NELL1: variants seen among roughly 807,000 people sequenced by gnomAD.
NELL1 encodes the protein protein kinase C-binding protein NELL1.
A neutral mutation model predicts 107.4 loss-of-function variants in NELL1; 76 were observed. The ratio of observed to expected loss-of-function variants is 0.71; its 90% CI spans 0.59 to 0.86. The LOEUF (loss-of-function observed/expected upper bound fraction) is 0.86. NELL1 is among the 40% of genes least tolerant of loss of function. NELL1 has a pLI of 0.00. For synonymous variants in NELL1, 353 were observed against 341.2 expected (o/e 1.03, Z -0.38); for missense variants, 1,024 against 1,005.5 (o/e 1.02, Z -0.25).
At chr11:21,254,029 C>G (rs16907790) in intron 14 of NELL1, among the ~76,000 whole-genome samples, 5,486 of 152,048 alleles carry the variant, frequency 0.036, 113 homozygotes, top group Admixed American at 0.057. Flanking sequence ...TGCAGAGGGA[C>G]ATGTGGTGAA....
chr11:21,224,917 T>C (rs539551822), intron 13 of NELL1, among the ~76,000 whole-genome samples: 1 of 152,300 alleles, frequency 6.6e-6, no homozygotes, highest in South Asian at 2.1e-4. Context: ...TGAATCTCCT[T>C]AAGATCATTA....
intron 5 of NELL1, among the ~76,000 whole-genome samples, chr11:20,909,562 C>G (rs1030456195): frequency 6.6e-6 from 1 of 151,344 alleles, no homozygotes; most frequent in African/African-American, 2.4e-5. Context: ...TTTATTATAG[C>G]TGTTGAACTT....
intron 12 of NELL1, among the ~76,000 whole-genome samples, chr11:21,086,134 T>A (rs1253371844): frequency 6.6e-6 from 1 of 152,212 alleles, no homozygotes; most frequent in Non-Finnish European, 1.5e-5. Context: ...CTTGCCCTCA[T>A]CCCTTGTAGG....
chr11:20,744,629 C>T, intron 2 of NELL1, among the ~76,000 whole-genome samples: 1 of 152,230 alleles, frequency 6.6e-6, no homozygotes, highest in Non-Finnish European at 1.5e-5. Context: ...GCAGCACATA[C>T]TCAGGGCAGA....
intron 12 of NELL1, among the ~76,000 whole-genome samples, chr11:21,056,451 A>G (rs1413051965): frequency 1.3e-5 from 2 of 152,084 alleles, no homozygotes; most frequent in East Asian, 3.9e-4. Context: ...ACTCCTTATT[A>G]AGTCACCTTC....
In NELL1 at chr11:21,493,464, T is replaced by A. The variant is rs541524915; in HGVS notation, c.1646-40910T>A. ...ATGGATGGAACTGTAGGTCATTATG[T>A]TAAGTGAGACAAGCCAGGCACAGAA... On this transcript the variant is annotated intron_variant, in intron 15 of 19. Transcript: ENST00000357134. Among the ~76,000 whole-genome samples the A allele has an allele frequency of 1.4e-3, 213 of 152,138 alleles. 1 individual carries two copies. The highest frequency in any genetic ancestry group is 4.7e-3 in the African/African-American group (197 of 41,530).
intron 16 of NELL1, among the ~76,000 whole-genome samples, chr11:21,551,530 G>T (rs1243437017): frequency 6.6e-6 from 1 of 151,500 alleles, no homozygotes; most frequent in Non-Finnish European, 1.5e-5. Flanking sequence ...AAAAACACAT[G>T]AAAAAATGCT....
intron 14 of NELL1, among the ~76,000 whole-genome samples, chr11:21,273,790 T>C (rs1465121963): frequency 1.3e-5 from 2 of 152,136 alleles, no homozygotes; most frequent in Non-Finnish European, 2.9e-5. Context: ...GAATTTCATA[T>C]CCAGCCAAAC....
At chr11:21,569,408 C>G (rs1857047404) in intron 17 of NELL1, among the ~76,000 whole-genome samples, 1 of 151,692 alleles carries the variant, frequency 6.6e-6, no homozygotes, top group Non-Finnish European at 1.5e-5. Flanking sequence ...ATGTAAATGC[C>G]TCTGCACAAT....
intron 15 of NELL1, among the ~76,000 whole-genome samples, chr11:21,372,978 G>A (rs183938854): frequency 6.6e-6 from 1 of 151,984 alleles, no homozygotes; most frequent in Non-Finnish European, 1.5e-5. Context: ...TCAAGACCAG[G>A]GAAAAAGTTA....
intron 3 of NELL1, among the ~76,000 whole-genome samples, chr11:20,832,853 T>C (rs923720737): frequency 7.9e-5 from 12 of 152,178 alleles, no homozygotes; most frequent in African/African-American, 2.4e-4. Context: ...AGAACACGTT[T>C]CCTACAACCC....
chr11:21,077,256 T>C (rs1268799840), intron 12 of NELL1, among the ~76,000 whole-genome samples: 2 of 152,186 alleles, frequency 1.3e-5, no homozygotes, highest in African/African-American at 4.8e-5. Flanking sequence ...TGCATACTCT[T>C]GTAAATGATG....
intron 11 of NELL1, among the ~76,000 whole-genome samples, chr11:20,957,720 C>T (rs1851206022): frequency 1.3e-5 from 2 of 151,634 alleles, no homozygotes. Flanking sequence ...GAAAAAGAAT[C>T]AAATAGGATT....
chr11:20,677,117 T>A (rs547701429), intron 1 of NELL1, among the ~76,000 whole-genome samples: 1 of 152,322 alleles, frequency 6.6e-6, no homozygotes, highest in East Asian at 1.9e-4. Context: ...AAAAGAGTTA[T>A]CAGGGTATCT....
At chr11:21,515,167 A>G (rs144847398) in intron 15 of NELL1, among the ~76,000 whole-genome samples, 80 of 152,334 alleles carry the variant, frequency 5.3e-4, no homozygotes, top group African/African-American at 1.9e-3. Flanking sequence ...TTTTTACAGT[A>G]CAGACCTTCA....
At position 20,805,082 on chromosome 11, in the gene NELL1, A is replaced by G. The variant is rs1590310925; in HGVS notation, c.335+21252A>G. Among the ~76,000 whole-genome samples, 5 of 152,328 alleles carry G rather than the reference A, an allele frequency of 3.3e-5. No individual in the cohort carries two copies. In the South Asian group the frequency reaches 1.0e-3, roughly 32 times the overall value. On this transcript the variant is annotated intron_variant, in intron 3 of 19. Transcript: ENST00000357134. ...AAAATGTATTTTATCTGATATAACT[A>G]TAGCTGCTCCTGTTCTTTTCTGGTT...
intron 13 of NELL1, among the ~76,000 whole-genome samples, chr11:21,142,148 A>T (rs945267326): frequency 6.6e-6 from 1 of 152,198 alleles, no homozygotes; most frequent in Non-Finnish European, 1.5e-5. Flanking sequence ...ACCAAATTTC[A>T]GACCTGTCTC....
chr11:20,704,173 T>A (rs534829772), intron 2 of NELL1, among the ~76,000 whole-genome samples: 43 of 152,320 alleles, frequency 2.8e-4, no homozygotes, highest in African/African-American at 9.6e-4. Context: ...TCTTGCTTTA[T>A]GAATCTGGGA....
At chr11:21,073,012 A>G (rs1017326400) in intron 12 of NELL1, among the ~76,000 whole-genome samples, 1 of 152,028 alleles carries the variant, frequency 6.6e-6, no homozygotes, top group Non-Finnish European at 1.5e-5. Flanking sequence ...ATCGTTTATA[A>G]TAGCAAGATC....
Sources: allele counts gnomAD v4.1 joint callset (sites outside exome capture counted in the v4.1 genomes callset), GRCh38; gene constraint gnomAD v4.1.1; transcripts MANE v1.5; gene names NCBI Gene and HGNC (gene_info 2026-07-23, HGNC 2026-07-21).